CACNA2D3: variants seen among roughly 807,000 people sequenced by gnomAD.
The protein encoded by CACNA2D3 is voltage-dependent calcium channel subunit alpha-2/delta-3.
In CACNA2D3, 60 loss-of-function variants were observed where a neutral mutation model predicts 160.6. That is an observed-to-expected ratio of 0.37 (90% confidence interval 0.30 to 0.46). CACNA2D3 has a LOEUF of 0.46. Among genes scored for constraint, CACNA2D3 ranks in the 20% least tolerant of loss-of-function variants. The pLI is 1.00. For synonymous variants in CACNA2D3, 558 were observed against 492.9 expected, an observed-to-expected ratio of 1.13 and a Z score of -1.75; for missense variants, 1,205 against 1,365.0, an observed-to-expected ratio of 0.88 and a Z score of 1.85.
At chr3:54,885,460 T>C (rs1269987907) in intron 22 of CACNA2D3, 29 bp from the exon 23 acceptor site, 1 of 1,600,820 alleles carries the variant, frequency 6.2e-7, no homozygotes, top group Non-Finnish European at 8.6e-7. Flanking sequence ...ATTGACATGC[T>C]CTTGTTTTGG....
chr3:54,511,548 A>G (rs1310663771), intron 5 of CACNA2D3, among the ~76,000 whole-genome samples: 1 of 152,106 alleles, frequency 6.6e-6, no homozygotes. Context: ...GTAATTTTAG[A>G]TGTATACCTA....
intron 9 of CACNA2D3, among the ~76,000 whole-genome samples, chr3:54,584,074 C>T (rs544759007): frequency 2.0e-5 from 3 of 152,114 alleles, no homozygotes; most frequent in Admixed American, 2.0e-4. Context: ...CATGCATACC[C>T]CCTTGGCCCT....
chr3:54,570,178 T>C, intron 8 of CACNA2D3, 74 bp downstream of exon 8: 1 of 1,452,652 alleles, frequency 6.9e-7, no homozygotes, highest in Non-Finnish European at 9.6e-7. Flanking sequence ...TTAACATTGC[T>C]CTCGCTGTTA....
intron 3 of CACNA2D3, among the ~76,000 whole-genome samples, chr3:54,379,661 A>G (rs542928101): frequency 2.6e-5 from 4 of 152,224 alleles, no homozygotes; most frequent in Non-Finnish European, 2.9e-5. Context: ...ATTTCTCTTA[A>G]TTGCTGTTTC....
At chr3:54,687,708 G>C (rs991465357) in intron 11 of CACNA2D3, among the ~76,000 whole-genome samples, 3 of 152,188 alleles carry the variant, frequency 2.0e-5, no homozygotes, top group Non-Finnish European at 4.4e-5. Context: ...ATCATGGAAA[G>C]AATCATTTTG....
At chr3:54,454,051 A>G (rs1457019319) in intron 4 of CACNA2D3, among the ~76,000 whole-genome samples, 1 of 152,172 alleles carries the variant, frequency 6.6e-6, no homozygotes, top group East Asian at 1.9e-4. Context: ...TTAGGTGGAA[A>G]GGTTGAACTA....
intron 27 of CACNA2D3, among the ~76,000 whole-genome samples, chr3:54,930,833 C>T (rs1427854872): frequency 1.3e-5 from 2 of 152,122 alleles, no homozygotes; most frequent in African/African-American, 2.4e-5. Context: ...TGGTGGCTCA[C>T]GCCTGTAATC....
intron 29 of CACNA2D3, among the ~76,000 whole-genome samples, chr3:54,979,821 C>A (rs192063220): frequency 6.6e-6 from 1 of 152,212 alleles, no homozygotes; most frequent in East Asian, 1.9e-4. Context: ...TGATTATAAA[C>A]CATCTCTTGA....
intron 4 of CACNA2D3, among the ~76,000 whole-genome samples, chr3:54,457,575 G>C (rs1162294048): frequency 6.6e-6 from 1 of 151,790 alleles, no homozygotes; most frequent in East Asian, 1.9e-4. Context: ...AGGTGTGTTT[G>C]GTCTATAACA....
chr3:55,063,596 G>A (rs867118465), intron 35 of CACNA2D3, among the ~76,000 whole-genome samples: 2 of 152,164 alleles, frequency 1.3e-5, no homozygotes, highest in African/African-American at 2.4e-5. Flanking sequence ...TCAGGGGCTC[G>A]TGGGTAGGTC....
In CACNA2D3 at chr3:54,700,148, A is replaced by G. The variant is rs1409141166; in HGVS notation, c.1168-52451A>G. The stretch of plus-strand genomic sequence containing the variant: ...CTAGCTATTACAACGTGTAAGTGAT[A>G]GATCCAGAATTTGAATTCAGGACAG... On this transcript the variant is annotated intron_variant, in intron 11 of 37. Coordinates refer to ENST00000474759, the MANE Select transcript of CACNA2D3 (RefSeq NM_018398.3). 2.0e-5 allele frequency among the ~76,000 whole-genome samples: 3 copies of G among 152,266 alleles called. No homozygotes were observed. The East Asian group carries it at 5.8e-4, about 29-fold the overall frequency.
rs866997741 is a variant in CACNA2D3, at chr3:54,887,690, A to G, written c.2057-269A>G. Among the ~76,000 whole-genome samples, 12 of 152,222 alleles carry G rather than the reference A, an allele frequency of 7.9e-5. No homozygotes were observed. In the Middle Eastern group the frequency reaches 0.014, roughly 173 times the overall value. On this transcript the variant is annotated intron_variant, in intron 23 of 37. Transcript: ENST00000474759. ...GCTGGTCCATGGCAGGAACCACGAG[A>G]TGGGGTGAGAAAGCAAGAAACTGAA...
At chr3:54,456,667 T>C (rs1700402112) in intron 4 of CACNA2D3, among the ~76,000 whole-genome samples, 1 of 151,966 alleles carries the variant, frequency 6.6e-6, no homozygotes, top group African/African-American at 2.4e-5. Flanking sequence ...TTCTTGGAAA[T>C]AATTTGAGAA....
At chr3:54,257,091 C>G (rs915961246) in intron 2 of CACNA2D3, among the ~76,000 whole-genome samples, 2 of 152,222 alleles carry the variant, frequency 1.3e-5, no homozygotes, top group Non-Finnish European at 1.5e-5. Context: ...TTAGCTGTTT[C>G]ACTTGCTGCA....
chr3:54,998,913 AT>A (rs1292089610), intron 31 of CACNA2D3, among the ~76,000 whole-genome samples: 2 of 151,948 alleles, frequency 1.3e-5, no homozygotes, highest in African/African-American at 4.8e-5. Context: ...TGCCCGGCTA[AT>A]TTTTTATATT....
rs766153942 is a variant in CACNA2D3, at chr3:54,899,817, G to A, written c.2398G>A (p.Ala800Thr). Residue 800 changes from alanine (A) to threonine (T), a missense_variant, in exon 27 of 38, where the codon GCA becomes ACA. Ala to Thr is a moderately conservative substitution (Grantham distance 58). Transcript: ENST00000474759. ...AGTCAATAAAAGCAATGTGGTGACA[G>A]CAAGTACATCCATCCAGCTCCTGGA... ...GPVNKSNVVT[A>T]STSIQLLDER... The A allele has an allele frequency of 2.5e-6, 4 of 1,609,064 alleles. No homozygotes were observed. The South Asian group carries it at 3.3e-5, about 13-fold the overall frequency.
intron 8 of CACNA2D3, among the ~76,000 whole-genome samples, chr3:54,571,244 T>C (rs768782147): frequency 2.2e-4 from 34 of 152,146 alleles, no homozygotes; most frequent in Non-Finnish European, 7.3e-5. Flanking sequence ...AGAGGAAGCC[T>C]TCACGTCCTA....
intron 11 of CACNA2D3, among the ~76,000 whole-genome samples, chr3:54,693,973 G>T (rs957664049): frequency 1.3e-5 from 2 of 152,078 alleles, no homozygotes; most frequent in Non-Finnish European, 2.9e-5. Context: ...TATTATTGAA[G>T]AAATACATTT....
At chr3:54,758,428 A>G (rs1034343851) in intron 12 of CACNA2D3, among the ~76,000 whole-genome samples, 2 of 151,930 alleles carry the variant, frequency 1.3e-5, no homozygotes, top group Admixed American at 6.6e-5. Flanking sequence ...CCTGCCCTCA[A>G]TGTCCATTCT....
Sources: allele counts gnomAD v4.1 joint callset (sites outside exome capture counted in the v4.1 genomes callset), GRCh38; gene constraint gnomAD v4.1.1; transcripts MANE v1.5; gene names NCBI Gene and HGNC (gene_info 2026-07-23, HGNC 2026-07-21).